NAA35: variants seen among roughly 807,000 people sequenced by gnomAD.
The protein encoded by NAA35 is N-alpha-acetyltransferase 35, NatC auxiliary subunit.
A neutral mutation model predicts 101.7 loss-of-function variants in NAA35; 18 were observed. The observed-to-expected ratio is 0.18, with a 90% CI of 0.12 to 0.26. The LOEUF (loss-of-function observed/expected upper bound fraction) is 0.26. Among genes scored for constraint, NAA35 ranks in the 10% least tolerant of loss-of-function variants. The probability of loss-of-function intolerance (pLI) is 1.00; values close to 1 mark genes in which losing one functional copy is unlikely to be tolerated. For synonymous variants in NAA35, 267 were observed against 273.1 expected, an observed-to-expected ratio of 0.98 and a Z score of 0.22; for missense variants, 601 against 886.8, an observed-to-expected ratio of 0.68 and a Z score of 4.09.
At chr9:85,992,171 C>G (rs1382731954) in intron 11 of NAA35, among the ~76,000 whole-genome samples, 1 of 12,262 alleles carries the variant, frequency 8.2e-5, no homozygotes, top group Non-Finnish European at 1.8e-4. Context: ...AAGACTCCGT[C>G]TCAAAAAAAA....
chr9:85,973,263 G>T (rs1254337654), intron 6 of NAA35, among the ~76,000 whole-genome samples: 1 of 152,198 alleles, frequency 6.6e-6, no homozygotes, highest in Non-Finnish European at 1.5e-5. Context: ...AGAGGCCATG[G>T]TGGACTTAGG....
chr9:85,943,351 A>G (rs967412086), intron 2 of NAA35, among the ~76,000 whole-genome samples: 15 of 152,124 alleles, frequency 9.9e-5, no homozygotes, highest in Non-Finnish European at 2.1e-4. Flanking sequence ...GTATATTTCT[A>G]AGTGACAGAG....
intron 3 of NAA35, among the ~76,000 whole-genome samples, chr9:85,956,960 A>G (rs1829304372): frequency 6.6e-6 from 1 of 152,168 alleles, no homozygotes; most frequent in African/African-American, 2.4e-5. Flanking sequence ...ATCACATGGC[A>G]GAGGAGGACG....
At chr9:85,997,249 A>G (rs1831202333) in intron 12 of NAA35, among the ~76,000 whole-genome samples, 1 of 151,950 alleles carries the variant, frequency 6.6e-6, no homozygotes, top group Admixed American at 6.6e-5. Context: ...GGTGTGAGCT[A>G]CTGCGCTCTG....
chr9:85,996,517 AATAG>A lies in NAA35; in HGVS notation c.1002_1005del (p.Asp334GlufsTer2). ...AAATGGTGAACTATTTTGCAAGATT[AATAG>A]ATAGAATAAAAACTGTCTGTGAGGT... On this transcript the variant is annotated frameshift_variant, in exon 12 of 23. Transcript: ENST00000361671. LOFTEE classifies it high-confidence loss of function. 2 of 1,603,878 alleles carry A rather than the reference AATAG, an allele frequency of 1.2e-6. No homozygotes were observed. Among genetic ancestry groups the A allele is most frequent in the Non-Finnish European group, 1.7e-6 (2 of 1,176,836 alleles).
At chr9:85,998,779 C>T (rs1831287474) in intron 12 of NAA35, among the ~76,000 whole-genome samples, 1 of 152,190 alleles carries the variant, frequency 6.6e-6, no homozygotes, top group Non-Finnish European at 1.5e-5. Flanking sequence ...ACACTAACAT[C>T]TGTGGCATAG....
In NAA35 at chr9:86,009,855, T is replaced by TA; in HGVS notation, c.1224-9dup. ...GAATAGATTTTAATGATGTGACTGT[T>TA]ATCTTGCAGGTGCTACCTATATAAT... On this transcript the variant is annotated splice_polypyrimidine_tract_variant and intron_variant, in intron 14 of 22. Coordinates refer to ENST00000361671, the MANE Select transcript of NAA35 (RefSeq NM_024635.4). 1 of 1,605,708 alleles carries TA rather than the reference T, an allele frequency of 6.2e-7. No homozygotes were observed. Among genetic ancestry groups the TA allele is most frequent in the Non-Finnish European group, 8.5e-7 (1 of 1,173,074 alleles).
intron 18 of NAA35, 131 bp from the exon 19 acceptor site, chr9:86,017,367 G>A: frequency 1.5e-6 from 1 of 675,222 alleles, no homozygotes; most frequent in Non-Finnish European, 2.5e-6. Context: ...AATTTAACCT[G>A]TAGGAACACA....
chr9:86,019,347 G>A (rs1052075731), intron 21 of NAA35, among the ~76,000 whole-genome samples: 25 of 152,188 alleles, frequency 1.6e-4, no homozygotes, highest in Non-Finnish European at 2.4e-4. Flanking sequence ...TGTAATCCCA[G>A]CTACTGGGGA....
chr9:85,999,594 G>C (rs1831329329), intron 12 of NAA35, among the ~76,000 whole-genome samples: 1 of 152,172 alleles, frequency 6.6e-6, no homozygotes, highest in Non-Finnish European at 1.5e-5. Context: ...GCCCATTCCA[G>C]GTACCTTAGG....
chr9:85,996,886 C>G (rs1486616083), intron 12 of NAA35, among the ~76,000 whole-genome samples: 1 of 152,002 alleles, frequency 6.6e-6, no homozygotes, highest in Non-Finnish European at 1.5e-5. Flanking sequence ...GGATCTCACT[C>G]TGTTGTCTAG....
chr9:86,008,034 C>G (rs897127218), intron 14 of NAA35, among the ~76,000 whole-genome samples: 9 of 152,206 alleles, frequency 5.9e-5, no homozygotes, highest in Non-Finnish European at 8.8e-5. Flanking sequence ...CCAAAATGCC[C>G]TGGACCAGAG....
In NAA35 at chr9:85,991,919, A is replaced by G. The variant is rs559977325; in HGVS notation, c.878-4480A>G. ...GCCGGGCGTGGTGGCTCACACCTGTAATCCCAGCACTTTGGGAGGCCAAGG... is the reference window on the plus strand; with the variant it reads ...GCCGGGCGTGGTGGCTCACACCTGTGATCCCAGCACTTTGGGAGGCCAAGG... On this transcript the variant is annotated intron_variant, in intron 11 of 22. Transcript: ENST00000361671. Among the ~76,000 whole-genome samples, 147 of 152,300 alleles carry G rather than the reference A, an allele frequency of 9.7e-4. 1 individual carries two copies. The highest frequency in any genetic ancestry group is 6.8e-3 in the Middle Eastern group (2 of 294).
At chr9:85,968,863 A>G (rs1388489237) in intron 6 of NAA35, among the ~76,000 whole-genome samples, 1 of 152,164 alleles carries the variant, frequency 6.6e-6, no homozygotes, top group Non-Finnish European at 1.5e-5. Context: ...GGTGAACCAA[A>G]GTAGTATATG....
intron 20 of NAA35, 121 bp from the exon 21 acceptor site, chr9:86,018,578 G>A (rs2118500209): frequency 1.5e-6 from 2 of 1,373,368 alleles, no homozygotes; most frequent in Admixed American, 2.3e-5. Context: ...TGTGCTGAAT[G>A]TTTGCCCCAG....
chr9:86,015,754 G>T, intron 17 of NAA35: 2 of 963,932 alleles, frequency 2.1e-6, no homozygotes, highest in Non-Finnish European at 2.5e-6. Flanking sequence ...CTGCATCTTA[G>T]TTGTCCCCTT....
At chr9:85,950,400 C>T (rs1185707841) in intron 2 of NAA35, among the ~76,000 whole-genome samples, 2 of 152,138 alleles carry the variant, frequency 1.3e-5, no homozygotes, top group African/African-American at 4.8e-5. Flanking sequence ...CATGTGCCAC[C>T]GCACCTGGCT....
intron 2 of NAA35, among the ~76,000 whole-genome samples, chr9:85,955,584 C>T (rs989140391): frequency 5.3e-5 from 8 of 151,700 alleles, no homozygotes; most frequent in African/African-American, 1.9e-4. Flanking sequence ...AGGATGGTCT[C>T]GATCTCCTGA....
At chr9:85,986,916 A>AG (rs1830674504) in intron 11 of NAA35, 1 of 165,648 alleles carries the variant, frequency 6.0e-6, no homozygotes, top group South Asian at 1.5e-4. Context: ...TTGGCTTCCC[A>AG]GGGCCACCCT....
Sources: gnomAD v4.1 joint callset for allele counts (sites outside exome capture counted in the v4.1 genomes callset) on GRCh38, gnomAD v4.1.1 for gene constraint, MANE v1.5 for transcripts, NCBI Gene and HGNC (gene_info 2026-07-23, HGNC 2026-07-21) for gene names.